Variants in PACRG observed in about 807,000 individuals in gnomAD.
PACRG encodes parkin coregulated gene protein.
Under a neutral mutation model 29.7 loss-of-function variants are expected in PACRG, and 29 were observed. The ratio of observed to expected loss-of-function variants is 0.98; its 90% CI spans 0.73 to 1.33. The LOEUF is 1.33. Ranked by LOEUF, PACRG falls within the 40% of genes most tolerant of loss-of-function variation. PACRG has a pLI of 0.00. For synonymous variants in PACRG, 116 were observed against 118.7 expected (o/e 0.98, Z 0.15); for missense variants, 279 against 316.2 (o/e 0.88, Z 0.89).
chr6:163,178,306 C>T (rs990288896), intron 4 of PACRG, among the ~76,000 whole-genome samples: 13 of 152,292 alleles, frequency 8.5e-5, no homozygotes, highest in African/African-American at 1.2e-4. Context: ...CCTCACAGCT[C>T]GGCGTGGCAC....
intron 2 of PACRG, among the ~76,000 whole-genome samples, chr6:162,880,361 T>A: frequency 6.6e-6 from 1 of 152,226 alleles, no homozygotes; most frequent in East Asian, 1.9e-4. Context: ...TGGCATTGGT[T>A]TTTGATAGAT....
intron 4 of PACRG, among the ~76,000 whole-genome samples, chr6:163,209,343 G>A (rs1301896566): frequency 6.6e-6 from 1 of 152,212 alleles, no homozygotes; most frequent in African/African-American, 2.4e-5. Flanking sequence ...GTGGAGCTTT[G>A]CAAAAGGACG....
chr6:162,892,283 T>C (rs1794821999), intron 2 of PACRG, among the ~76,000 whole-genome samples: 1 of 152,206 alleles, frequency 6.6e-6, no homozygotes, highest in South Asian at 2.1e-4. Flanking sequence ...TGTTGAGCAC[T>C]GGATCAGTCT....
At chr6:163,103,818 AT>A (rs1815233911) in intron 4 of PACRG, among the ~76,000 whole-genome samples, 1 of 152,216 alleles carries the variant, frequency 6.6e-6, no homozygotes, top group Non-Finnish European at 1.5e-5. Context: ...ACACTGTATT[AT>A]TTTTGGAATT....
At chr6:162,959,927 C>T (rs544904498) in intron 2 of PACRG, among the ~76,000 whole-genome samples, 2 of 152,184 alleles carry the variant, frequency 1.3e-5, no homozygotes, top group African/African-American at 2.4e-5. Flanking sequence ...ACAAATAACC[C>T]CATTAAAAAG....
chr6:163,195,271 T>C (rs901309906), intron 4 of PACRG, among the ~76,000 whole-genome samples: 9 of 152,246 alleles, frequency 5.9e-5, no homozygotes, highest in African/African-American at 9.6e-5. Context: ...TGTTGGCTAA[T>C]TGTTTATTTC....
At chr6:162,820,503 T>A (rs975289062) in intron 2 of PACRG, among the ~76,000 whole-genome samples, 1 of 152,182 alleles carries the variant, frequency 6.6e-6, no homozygotes, top group African/African-American at 2.4e-5. Flanking sequence ...TCTGTAAATA[T>A]TACTGCATTT....
At chr6:162,947,628 AT>A (rs1799322052) in intron 2 of PACRG, among the ~76,000 whole-genome samples, 8 of 66,862 alleles carry the variant, frequency 1.2e-4, no homozygotes, top group African/African-American at 4.2e-4. Context: ...ATATATATAT[AT>A]ATATATATAT....
intron 2 of PACRG, among the ~76,000 whole-genome samples, chr6:163,046,090 T>C (rs530418728): frequency 6.6e-6 from 1 of 151,978 alleles, no homozygotes; most frequent in South Asian, 2.1e-4. Flanking sequence ...CTCCCTGATA[T>C]CACCTGCCAG....
intron 2 of PACRG, among the ~76,000 whole-genome samples, chr6:162,998,073 G>A (rs1804244571): frequency 6.6e-6 from 1 of 152,328 alleles, no homozygotes; most frequent in Non-Finnish European, 1.5e-5. Context: ...AAAGAATTGT[G>A]AAGATGAAAT....
chr6:163,129,104 G>A lies in PACRG; in HGVS notation c.613+39696G>A, dbSNP rs773908635. On this transcript the variant is annotated intron_variant, in intron 4 of 4. Coordinates refer to ENST00000366888, the MANE Select transcript of PACRG (RefSeq NM_001080379.2). ...TAAAATGTGTCCATGTACACACTGG[G>A]TTAGAATCACTGTTCTCATTTACAA... 6.7e-4 allele frequency among the ~76,000 whole-genome samples: 102 copies of A among 152,286 alleles called. 1 individual carries two copies. Among genetic ancestry groups the A allele is most frequent in the Non-Finnish European group, 1.0e-3 (70 of 68,032 alleles).
At chr6:162,901,589 A>T (rs546211085) in intron 2 of PACRG, among the ~76,000 whole-genome samples, 27 of 152,350 alleles carry the variant, frequency 1.8e-4, no homozygotes, top group African/African-American at 6.3e-4. Context: ...TTAAATTTAA[A>T]AATGAGATAG....
intron 4 of PACRG, among the ~76,000 whole-genome samples, chr6:163,144,994 A>G (rs1183077531): frequency 6.6e-6 from 1 of 152,086 alleles, no homozygotes; most frequent in Non-Finnish European, 1.5e-5. Context: ...GCTGATGTTG[A>G]AAGGTAGCTG....
chr6:163,204,518 C>G lies in PACRG; in HGVS notation c.614-110309C>G, dbSNP rs980312754. Reference sequence around the variant, plus strand: ...TCTTTCTCTTCTCCTCTACCCCCACCAATCACAAGTGGGACCCTGGAAACC... The same window carrying G: ...TCTTTCTCTTCTCCTCTACCCCCACGAATCACAAGTGGGACCCTGGAAACC... On this transcript the variant is annotated intron_variant, in intron 4 of 4. Transcript: ENST00000366888. Among the ~76,000 whole-genome samples the G allele has an allele frequency of 1.2e-4, 18 of 152,252 alleles. No homozygotes were observed. The East Asian group carries it at 3.1e-3, about 26-fold the overall frequency.
intron 4 of PACRG, among the ~76,000 whole-genome samples, chr6:163,308,217 G>A (rs1328857443): frequency 6.6e-6 from 1 of 151,880 alleles, no homozygotes; most frequent in Non-Finnish European, 1.5e-5. Flanking sequence ...ACTTTTTTTA[G>A]CAATATGTTA....
At chr6:162,730,063 C>CTCTCTTT (rs1554267985) in intron 1 of PACRG, among the ~76,000 whole-genome samples, 1 of 145,880 alleles carries the variant, frequency 6.9e-6, no homozygotes. Flanking sequence ...AACTGTCTCT[C>CTCTCTTT]TTTTTTTTTT....
At chr6:163,164,255 C>T (rs1778696002) in intron 4 of PACRG, among the ~76,000 whole-genome samples, 2 of 152,254 alleles carry the variant, frequency 1.3e-5, no homozygotes, top group South Asian at 4.1e-4. Flanking sequence ...TAATCTCCCT[C>T]AAATTCCTTT....
intron 4 of PACRG, among the ~76,000 whole-genome samples, chr6:163,172,204 G>A (rs1040364202): frequency 6.6e-6 from 1 of 152,170 alleles, no homozygotes; most frequent in African/African-American, 2.4e-5. Flanking sequence ...GCTTTTTAAT[G>A]TCTCAGACTT....
At chr6:163,267,908 C>T (rs568483658) in intron 4 of PACRG, among the ~76,000 whole-genome samples, 2 of 152,258 alleles carry the variant, frequency 1.3e-5, no homozygotes, top group South Asian at 4.1e-4. Flanking sequence ...AACAAAGTAA[C>T]ACCCAAATGA....
Sources: gnomAD v4.1 joint callset for allele counts (sites outside exome capture counted in the v4.1 genomes callset) on GRCh38, gnomAD v4.1.1 for gene constraint, MANE v1.5 for transcripts, NCBI Gene and HGNC (gene_info 2026-07-23, HGNC 2026-07-21) for gene names.